The following NKAIN3 variants were observed in gnomAD, a reference collection of about 807,000 sequenced individuals.
NKAIN3 encodes sodium/potassium-transporting ATPase subunit beta-1-interacting protein 3.
In NKAIN3, 25 loss-of-function variants were observed where a neutral mutation model predicts 30.2. That is an observed-to-expected ratio of 0.83 (90% CI 0.60 to 1.16). The LOEUF (loss-of-function observed/expected upper bound fraction) is 1.16. Among genes scored for constraint, NKAIN3 ranks in the 50% most tolerant of loss-of-function variants. The pLI is 0.00. For synonymous variants in NKAIN3, 91 were observed against 89.6 expected, an observed-to-expected ratio of 1.02 and a Z score of -0.09; for missense variants, 225 against 254.1, an observed-to-expected ratio of 0.89 and a Z score of 0.78.
chr8:62,708,385 T>G (rs1037115925), intron 3 of NKAIN3, among the ~76,000 whole-genome samples: 5 of 152,032 alleles, frequency 3.3e-5, no homozygotes, highest in Admixed American at 2.0e-4. Context: ...TTGTTTATGT[T>G]GTCTATGATT....
chr8:62,821,047 G>T (rs1484272624), intron 4 of NKAIN3, among the ~76,000 whole-genome samples: 1 of 152,084 alleles, frequency 6.6e-6, no homozygotes, highest in Non-Finnish European at 1.5e-5. Flanking sequence ...CAAAGCCTTT[G>T]CATCTTATAA....
At chr8:62,258,345 C>T (rs1812323592) in intron 1 of NKAIN3, among the ~76,000 whole-genome samples, 1 of 152,160 alleles carries the variant, frequency 6.6e-6, no homozygotes, top group African/African-American at 2.4e-5. Flanking sequence ...TGAAATGCCT[C>T]TTGCTTAAAG....
rs974824655 is a variant in NKAIN3, at chr8:62,967,145, A to C, written c.*1738A>C. ...TGGCAGGGACCTTGAAGATGGTGGA[A>C]TCCAAGCCACTATTCTGCAGATGAG... is the stretch of plus-strand genomic sequence containing the variant. On this transcript the variant is annotated 3_prime_UTR_variant, in exon 7 of 7. Transcript: ENST00000623646. 6.6e-6 allele frequency among the ~76,000 whole-genome samples: 1 copy of C among 152,176 alleles called. No individual in the cohort carries two copies. Among genetic ancestry groups the C allele is most frequent in the Admixed American group, 6.6e-5 (1 of 15,264 alleles).
At chr8:62,461,987 T>A (rs549146788) in intron 1 of NKAIN3, among the ~76,000 whole-genome samples, 119 of 152,180 alleles carry the variant, frequency 7.8e-4, no homozygotes, top group Non-Finnish European at 1.4e-3. Context: ...TTCAGTGAAC[T>A]CCAAGTAGGA....
At chr8:62,271,682 T>C (rs903626804) in intron 1 of NKAIN3, among the ~76,000 whole-genome samples, 1 of 152,166 alleles carries the variant, frequency 6.6e-6, no homozygotes, top group Non-Finnish European at 1.5e-5. Flanking sequence ...AGAGAGGATT[T>C]GGGATTTTTT....
At chr8:62,654,593 C>T (rs541436361) in intron 3 of NKAIN3, among the ~76,000 whole-genome samples, 2 of 152,274 alleles carry the variant, frequency 1.3e-5, no homozygotes, top group South Asian at 4.1e-4. Context: ...AATGGTTCCA[C>T]AGTAGCTAGA....
chr8:62,594,303 T>C (rs1476909226), intron 3 of NKAIN3, among the ~76,000 whole-genome samples: 1 of 152,030 alleles, frequency 6.6e-6, no homozygotes, highest in South Asian at 2.1e-4. Flanking sequence ...TAGACAAGAA[T>C]TAAATTGACA....
At chr8:62,896,323 A>T (rs1378524) in intron 4 of NKAIN3, among the ~76,000 whole-genome samples, 10 of 151,388 alleles carry the variant, frequency 6.6e-5, no homozygotes, top group African/African-American at 2.4e-4. Context: ...TTCCAAAAGC[A>T]TCACCTCCTA....
intron 1 of NKAIN3, among the ~76,000 whole-genome samples, chr8:62,372,693 A>T (rs2129593397): frequency 6.6e-6 from 1 of 152,072 alleles, no homozygotes; most frequent in Non-Finnish European, 1.5e-5. Context: ...ATTCATTTTT[A>T]TTTTATGTTT....
chr8:62,942,227 T>C (rs1176843045), intron 5 of NKAIN3, among the ~76,000 whole-genome samples: 5 of 141,128 alleles, frequency 3.5e-5, no homozygotes, highest in East Asian at 2.0e-4. Flanking sequence ...TATATATACA[T>C]ATATATACAC....
At chr8:62,874,402 A>G (rs1185431908) in intron 4 of NKAIN3, among the ~76,000 whole-genome samples, 1 of 151,712 alleles carries the variant, frequency 6.6e-6, no homozygotes, top group Non-Finnish European at 1.5e-5. Context: ...TACCAGAAAT[A>G]TAAAAAGGAG....
chr8:62,759,553 A>G (rs1358622855), intron 4 of NKAIN3, among the ~76,000 whole-genome samples: 4 of 152,216 alleles, frequency 2.6e-5, no homozygotes, highest in African/African-American at 9.7e-5. Flanking sequence ...TCAGACGGAC[A>G]TCAAATCATG....
chr8:62,964,765 C>T (rs939344136), intron 6 of NKAIN3, among the ~76,000 whole-genome samples: 1 of 151,900 alleles, frequency 6.6e-6, no homozygotes, highest in African/African-American at 2.4e-5. Context: ...CTGCTTTACT[C>T]AAAGTCTACT....
intron 4 of NKAIN3, among the ~76,000 whole-genome samples, chr8:62,880,161 T>A (rs1166526450): frequency 6.6e-6 from 1 of 152,178 alleles, no homozygotes; most frequent in African/African-American, 2.4e-5. Flanking sequence ...TTATTATTTA[T>A]CTTACTTTTA....
intron 3 of NKAIN3, among the ~76,000 whole-genome samples, chr8:62,591,108 C>A (rs57368174): frequency 0.017 from 2,613 of 151,912 alleles, 74 homozygotes; most frequent in African/African-American, 0.061. Context: ...TTTCAACTCA[C>A]TGCATTTTGT....
intron 1 of NKAIN3, among the ~76,000 whole-genome samples, chr8:62,341,002 C>T (rs920151374): frequency 6.6e-6 from 1 of 152,074 alleles, no homozygotes; most frequent in African/African-American, 2.4e-5. Context: ...AAAGTACTTA[C>T]ATTTTTATTT....
At chr8:62,758,770 G>A (rs1330077221) in intron 4 of NKAIN3, among the ~76,000 whole-genome samples, 7 of 152,278 alleles carry the variant, frequency 4.6e-5, no homozygotes, top group South Asian at 2.1e-4. Flanking sequence ...ACCTACTTGA[G>A]ATAATGAAAT....
chr8:62,790,853 G>A (rs1004195767), intron 4 of NKAIN3, among the ~76,000 whole-genome samples: 6 of 151,964 alleles, frequency 3.9e-5, no homozygotes, highest in African/African-American at 1.4e-4. Flanking sequence ...ATTCGGCTTA[G>A]CCCTGGTCAG....
intron 3 of NKAIN3, among the ~76,000 whole-genome samples, chr8:62,693,056 C>A (rs547058507): frequency 4.2e-4 from 64 of 152,298 alleles, no homozygotes; most frequent in Non-Finnish European, 1.2e-4. Flanking sequence ...CTCTTTCCCT[C>A]ATTTCTTACA....
Sources: gnomAD v4.1 joint callset for allele counts (sites outside exome capture counted in the v4.1 genomes callset) on GRCh38, gnomAD v4.1.1 for gene constraint, MANE v1.5 for transcripts, NCBI Gene and HGNC (gene_info 2026-07-23, HGNC 2026-07-21) for gene names.